The following ZNF814 variants were observed in gnomAD, a reference collection of about 807,000 sequenced individuals.
The protein encoded by ZNF814 is zinc finger protein 814.
A neutral mutation model predicts 7.5 loss-of-function variants in ZNF814; 5 were observed. The observed-to-expected ratio is 0.67, with a 90% confidence interval of 0.35 to 1.40. ZNF814 has a LOEUF of 1.40. ZNF814 is among the 40% of genes most tolerant of loss of function. ZNF814 has a pLI of 0.04. For missense variants in ZNF814, 962 were observed against 1,018.0 expected (o/e 0.94, Z 0.75); for synonymous variants, 315 against 340.7 (o/e 0.92, Z 0.83).
chr19:57,893,685 G>A (rs774071767), upstream of ZNF814, among the ~76,000 whole-genome samples: 8 of 152,084 alleles, frequency 5.3e-5, no homozygotes, highest in Admixed American at 1.3e-4. Flanking sequence ...TTGGGAGGCC[G>A]AGGTGGGCAG....
chr19:57,873,112 A>G lies in ZNF814; in HGVS notation c.2278T>C (p.Cys760Arg), dbSNP rs778330020. 1 of 1,613,768 alleles carries G rather than the reference A, an allele frequency of 6.2e-7. No individual in the cohort carries two copies. Among genetic ancestry groups the G allele is most frequent in the South Asian group, 1.1e-5 (1 of 91,028 alleles). The stretch of plus-strand genomic sequence containing the variant: ...CCAGTGTGAATTCGCTTATGAACAC[A>G]GAATGTAGAGCTGTGGGTAAATGAT... ...GKSFTHSSTF[C>R]VHKRIHTGEK... The change falls in exon 3 of 3, where the codon TGT becomes CGT. Residue 760 changes from cysteine (C) to arginine (R), a missense_variant. By Grantham distance (180) the Cys-to-Arg change is radical (BLOSUM62 -3). Transcript: ENST00000435989.
At position 57,869,617 on chromosome 19, in the gene ZNF814, T is replaced by A. The variant is rs1021989475; in HGVS notation, c.*3205A>T. The A allele has an allele frequency of 1.3e-5, 2 of 152,182 alleles. No individual in the cohort carries two copies. The highest frequency in any genetic ancestry group is 2.9e-5 in the Non-Finnish European group (2 of 68,044). 9.4% of individuals were successfully genotyped at this position (152,182 alleles called of 1,614,324 possible). On this transcript the variant is annotated 3_prime_UTR_variant, in exon 3 of 3. Coordinates refer to ENST00000435989, the MANE Select transcript of ZNF814 (RefSeq NM_001144989.2). ...TGCTACAGCTTAAATATGCATAGCT[T>A]ACTGAATGTCATTTATAACTCATCA...
Position 57,872,999 on chromosome 19 carries a change from T to G in ZNF814, c.2391A>C (p.Glu797Asp), listed in dbSNP as rs773528204. 3.7e-6 allele frequency: 6 copies of G among 1,613,978 alleles called. No homozygotes were observed. The South Asian group carries it at 6.6e-5, about 18-fold the overall frequency. ...CACATTCACTGCACTCATAAGGCTT[T>G]TCTCCAGTGTGAACTCTTTTGTGTT... ...FTKHKRVHTG[E>D]KPYECSECGK... The change falls in exon 3 of 3, where the codon GAA becomes GAC. Residue 797 changes from glutamate (E) to aspartate (D), a missense_variant. Around this residue, in one of 7 missense-constraint regions of ZNF814, gnomAD observed 665 missense variants for 551.4 expected, o/e 1.21. Coordinates refer to ENST00000435989, the MANE Select transcript of ZNF814 (RefSeq NM_001144989.2).
At chr19:57,886,107 A>T (rs10402091) in intron 1 of ZNF814, 1 of 151,860 alleles carries the variant, frequency 6.6e-6, no homozygotes, top group Non-Finnish European at 1.5e-5. Flanking sequence ...GTCCCACAAC[A>T]CCACAAGCTA....
chr19:57,900,119 C>G, the ZNF814 span, among the ~76,000 whole-genome samples: 1 of 152,080 alleles, frequency 6.6e-6, no homozygotes, highest in African/African-American at 2.4e-5. Flanking sequence ...ACTGATGGGT[C>G]TAGTAATGGA....
chr19:57,876,756 G>A lies in ZNF814; in HGVS notation c.163+160C>T, dbSNP rs564642086. ...TGGGGCTGCTCCAAGAAAGGAGTAG[G>A]GCAGTATGTACACCTCAGACCTACC... On this transcript the variant is annotated intron_variant, in intron 2 of 2. Coordinates refer to ENST00000435989, the MANE Select transcript of ZNF814 (RefSeq NM_001144989.2). The A allele has an allele frequency of 1.0e-4, 121 of 1,203,980 alleles. 2 individuals are homozygous for A. The Middle Eastern group carries it at 2.1e-3, about 21-fold the overall frequency. 74.6% of individuals were successfully genotyped at this position (1,203,980 alleles called of 1,614,324 possible).
the ZNF814 span, among the ~76,000 whole-genome samples, chr19:57,895,674 C>T: frequency 2.0e-5 from 3 of 152,102 alleles, no homozygotes; most frequent in Admixed American, 2.0e-4. Flanking sequence ...TCATCCTTTA[C>T]CCAGGTGCCC....
At chr19:57,894,364 CAAA>C in the ZNF814 span, among the ~76,000 whole-genome samples, 1 of 102,438 alleles carries the variant, frequency 9.8e-6, no homozygotes, top group Admixed American at 1.0e-4. Context: ...GACTCCATCT[CAAA>C]AAAAAAAAAA....
the ZNF814 span, among the ~76,000 whole-genome samples, chr19:57,894,385 G>A: frequency 3.3e-5 from 5 of 150,854 alleles, no homozygotes; most frequent in Admixed American, 1.3e-4. Flanking sequence ...AAAAGAAGCC[G>A]ATTTGCCCAA....
chr19:57,877,119 A>G, intron 1 of ZNF814, 77 bp from the exon 2 acceptor site: 1 of 1,575,016 alleles, frequency 6.3e-7, no homozygotes, highest in Non-Finnish European at 8.6e-7. Flanking sequence ...CCACACATCT[A>G]CTCTCGCACA....
At chr19:57,892,767 C>T (rs578145824), upstream of ZNF814, among the ~76,000 whole-genome samples, 7 of 152,356 alleles carry the variant, frequency 4.6e-5, no homozygotes, top group African/African-American at 1.7e-4. Context: ...TCTCTGGCCT[C>T]TCTAAGCTCC....
chr19:57,878,035 G>A (rs1030610587), intron 1 of ZNF814, among the ~76,000 whole-genome samples: 4 of 151,620 alleles, frequency 2.6e-5, no homozygotes, highest in East Asian at 3.9e-4. Flanking sequence ...GCGTGGTGTC[G>A]GGCGCCTGTG....
chr19:57,884,221 T>C (rs1460858953), intron 1 of ZNF814, among the ~76,000 whole-genome samples: 1 of 152,230 alleles, frequency 6.6e-6, no homozygotes, highest in Non-Finnish European at 1.5e-5. Context: ...ACTACCCATC[T>C]GCAAAGGGAT....
At chr19:57,887,172 G>A (rs1363169465) in intron 1 of ZNF814, among the ~76,000 whole-genome samples, 1 of 152,186 alleles carries the variant, frequency 6.6e-6, no homozygotes, top group African/African-American at 2.4e-5. Context: ...TGGGCAACAA[G>A]AGCGAAACTC....
chr19:57,904,847 T>TCA, the ZNF814 span, among the ~76,000 whole-genome samples: 1 of 151,900 alleles, frequency 6.6e-6, no homozygotes. Context: ...GGTCGAGCGT[T>TCA]CCTGACTAGC....
Position 57,875,170 on chromosome 19 carries a change from G to T in ZNF814, c.220C>A (p.Gln74Lys), listed in dbSNP as rs775689739. The change falls in exon 3 of 3, where the codon CAA becomes AAA. Residue 74 changes from glutamine to lysine, a missense_variant. Gln to Lys is a moderately conservative substitution (Grantham distance 53). Coordinates refer to ENST00000435989, the MANE Select transcript of ZNF814 (RefSeq NM_001144989.2). ...AAPSKQSIYI[Q>K]RETQVRTPMA... ...GGAGTCCTGACCTGAGTCTCTCTTT[G>T]TATATAAATACTCTGCTTAGAAGGT... 4.0e-5 allele frequency: 62 copies of T among 1,535,738 alleles called. No homozygotes were observed. Among genetic ancestry groups the T allele is most frequent in the Non-Finnish European group, 5.3e-5 (60 of 1,141,246 alleles).
chr19:57,891,926 GTATTT>G (rs2071737091), upstream of ZNF814, among the ~76,000 whole-genome samples: 1 of 152,066 alleles, frequency 6.6e-6, no homozygotes, highest in Admixed American at 6.6e-5. Flanking sequence ...GCTAACTTTT[GTATTT>G]TTAGTATAAA....
chr19:57,897,662 C>T, the ZNF814 span, among the ~76,000 whole-genome samples: 1 of 152,214 alleles, frequency 6.6e-6, no homozygotes, highest in Admixed American at 6.5e-5. Context: ...CCATGTATCT[C>T]TGCAGCACAA....
rs10417365 is a variant in ZNF814, at chr19:57,888,237, C to T, written c.36+530G>A. ...TATTGACTGACTTGGGGAGTGTCTT[C>T]AGCCTCTGTGCCCATGGCCAACTAC... is the stretch of plus-strand genomic sequence containing the variant. On this transcript the variant is annotated intron_variant, in intron 1 of 2. Transcript: ENST00000435989. 8.3e-3 allele frequency among the ~76,000 whole-genome samples: 1,262 copies of T among 152,296 alleles called. 14 individuals carry two copies. The highest frequency in any genetic ancestry group is 0.029 in the African/African-American group (1,207 of 41,556).
Sources: gnomAD v4.1 joint callset for allele counts (sites outside exome capture counted in the v4.1 genomes callset) on GRCh38, gnomAD v4.1.1 for gene constraint, gnomAD v4.1.1 regional missense constraint, MANE v1.5 for transcripts, NCBI Gene and HGNC (gene_info 2026-07-23, HGNC 2026-07-21) for gene names.